The following IHO1 variants were observed in gnomAD, a reference collection of about 807,000 sequenced individuals.
The protein encoded by IHO1 is interactor of HORMAD1 protein 1.
Under a neutral mutation model 31.0 loss-of-function variants are expected in IHO1, and 13 were observed. The ratio of observed to expected loss-of-function variants is 0.42; its 90% CI spans 0.27 to 0.67. The LOEUF is 0.67. Ranked by LOEUF, IHO1 falls within the 30% of genes least tolerant of loss-of-function variation. The pLI is 0.24. For missense variants in IHO1, 599 were observed against 687.5 expected (o/e 0.87, Z 1.44); for synonymous variants, 221 against 248.4 (o/e 0.89, Z 1.04).
intron 3 of IHO1, 127 bp downstream of exon 3, chr3:49,236,849 A>C: frequency 1.2e-6 from 1 of 813,194 alleles, no homozygotes; most frequent in Non-Finnish European, 1.9e-6. Flanking sequence ...GGGGAGGCTG[A>C]GGCAAGTGGA....
At chr3:49,215,770 A>T (rs1444261703) in intron 2 of IHO1, among the ~76,000 whole-genome samples, 2 of 152,206 alleles carry the variant, frequency 1.3e-5, no homozygotes, top group African/African-American at 4.8e-5. Context: ...GCAAGGAGGC[A>T]TCTAGTGCAG....
intron 2 of IHO1, among the ~76,000 whole-genome samples, chr3:49,229,955 T>A (rs1319597903): frequency 6.6e-6 from 1 of 152,220 alleles, no homozygotes; most frequent in Non-Finnish European, 1.5e-5. Flanking sequence ...AAATAGGGTA[T>A]GTCCCTGGTA....
chr3:49,220,915 A>G (rs552172496), intron 2 of IHO1, among the ~76,000 whole-genome samples: 82 of 152,320 alleles, frequency 5.4e-4, no homozygotes, highest in South Asian at 4.1e-3. Flanking sequence ...GAGCAGCAGC[A>G]AAAGAACAAA....
intron 2 of IHO1, among the ~76,000 whole-genome samples, chr3:49,224,463 G>T (rs2046394233): frequency 2.0e-5 from 3 of 152,210 alleles, no homozygotes; most frequent in African/African-American, 7.2e-5. Flanking sequence ...CTTCCCAGAG[G>T]TTAGGAACTC....
At chr3:49,196,945 C>G (rs2107672317), upstream of IHO1, among the ~76,000 whole-genome samples, 1 of 147,328 alleles carries the variant, frequency 6.8e-6, no homozygotes, top group South Asian at 2.1e-4. Flanking sequence ...GCTGGGATTA[C>G]AGGAGTGAGC....
upstream of IHO1, among the ~76,000 whole-genome samples, chr3:49,197,397 G>A (rs2046005655): frequency 6.6e-6 from 1 of 152,032 alleles, no homozygotes. Flanking sequence ...CTGGACTCAA[G>A]GGATCCTCCC....
At chr3:49,255,721 T>C (rs2046814682) in intron 7 of IHO1, among the ~76,000 whole-genome samples, 1 of 151,892 alleles carries the variant, frequency 6.6e-6, no homozygotes, top group African/African-American at 2.4e-5. Flanking sequence ...CAGCTAATTT[T>C]TGTATTTTTA....
chr3:49,226,828 C>T (rs1050953817), intron 2 of IHO1, among the ~76,000 whole-genome samples: 3 of 152,148 alleles, frequency 2.0e-5, no homozygotes, highest in African/African-American at 7.2e-5. Context: ...GAAATCTTCC[C>T]CAGATCTACC....
upstream of IHO1, among the ~76,000 whole-genome samples, chr3:49,196,844 G>A (rs1445945894): frequency 6.6e-6 from 1 of 150,668 alleles, no homozygotes; most frequent in East Asian, 2.0e-4. Context: ...CTAATTTTTT[G>A]TATTTTTAGT....
intron 1 of IHO1, among the ~76,000 whole-genome samples, chr3:49,202,420 G>T (rs1375798591): frequency 6.7e-6 from 1 of 149,988 alleles, no homozygotes; most frequent in African/African-American, 2.5e-5. Flanking sequence ...CCACCTCCTG[G>T]GTTCGCGCCA....
intron 2 of IHO1, chr3:49,228,343 G>T (rs754885402): frequency 2.2e-6 from 1 of 448,588 alleles, no homozygotes; most frequent in Non-Finnish European, 4.5e-6. Flanking sequence ...AAGAGTCAGG[G>T]GTTGTTAGAG....
chr3:49,255,373 C>T lies in IHO1; in HGVS notation c.533-17C>T, dbSNP rs756792149. On this transcript the variant is annotated splice_polypyrimidine_tract_variant and intron_variant, in intron 6 of 7. Coordinates refer to ENST00000452691, the MANE Select transcript of IHO1 (RefSeq NM_001135197.2). ...ACATAGTCTTCAGGAGGTGAACTGT[C>T]ACTGTTTTGTATTTAGTACAAGAGA... The T allele has an allele frequency of 1.1e-5, 17 of 1,550,866 alleles. No individual in the cohort carries two copies. The highest frequency in any genetic ancestry group is 1.2e-5 in the Non-Finnish European group (14 of 1,142,598).
At position 49,203,958 on chromosome 3, in the gene IHO1, T is replaced by G. The variant is rs914066739; in HGVS notation, c.-16+4385T>G. ...TTATGAGGATCTTGGCTTTGAACAT[T>G]GTCTTAGTCCGTTTTGTGTTGCTAT... is the stretch of plus-strand genomic sequence containing the variant. On this transcript the variant is annotated intron_variant, in intron 1 of 7. Coordinates refer to ENST00000452691, the MANE Select transcript of IHO1 (RefSeq NM_001135197.2). Among the ~76,000 whole-genome samples, 6 of 152,292 alleles carry G rather than the reference T, an allele frequency of 3.9e-5. No homozygotes were observed. The East Asian group carries it at 1.2e-3, about 29-fold the overall frequency.
chr3:49,210,446 G>A (rs1169869415), intron 1 of IHO1, among the ~76,000 whole-genome samples: 1 of 151,294 alleles, frequency 6.6e-6, no homozygotes, highest in Non-Finnish European at 1.5e-5. Context: ...CGCCCAGGCT[G>A]GAGTGCAGTG....
chr3:49,255,604 C>T (rs1036312348), intron 7 of IHO1, 111 bp downstream of exon 7: 60 of 608,432 alleles, frequency 9.9e-5, no homozygotes, highest in Non-Finnish European at 1.3e-4. Context: ...CTTTGTCGTG[C>T]GGTGGTGCAA....
chr3:49,217,681 G>A (rs1349704821), intron 2 of IHO1, among the ~76,000 whole-genome samples: 2 of 152,034 alleles, frequency 1.3e-5, no homozygotes, highest in African/African-American at 4.8e-5. Flanking sequence ...AGCTCACTGT[G>A]ATGTAGAATT....
intron 2 of IHO1, among the ~76,000 whole-genome samples, chr3:49,224,817 T>G (rs2046399215): frequency 6.6e-6 from 1 of 152,208 alleles, no homozygotes; most frequent in Admixed American, 6.5e-5. Flanking sequence ...TGGTTCCCCA[T>G]CCTCTGGGAG....
chr3:49,211,183 A>AT (rs2046209072), intron 1 of IHO1, among the ~76,000 whole-genome samples: 1 of 136,024 alleles, frequency 7.4e-6, no homozygotes, highest in Non-Finnish European at 1.6e-5. Context: ...AATTTTTTGT[A>AT]TTTTTTAGTA....
chr3:49,247,574 A>G (rs1353037953), intron 6 of IHO1, among the ~76,000 whole-genome samples: 1 of 151,256 alleles, frequency 6.6e-6, no homozygotes, highest in Non-Finnish European at 1.5e-5. Flanking sequence ...GGATTGCTTG[A>G]GTCCAGGAGT....
Sources: allele counts gnomAD v4.1 joint callset (sites outside exome capture counted in the v4.1 genomes callset), GRCh38; gene constraint gnomAD v4.1.1; transcripts MANE v1.5; gene names NCBI Gene and HGNC (gene_info 2026-07-23, HGNC 2026-07-21).